The following DCDC1 variants were observed in gnomAD, a reference collection of about 807,000 sequenced individuals.
DCDC1 encodes doublecortin domain-containing protein 1.
In DCDC1, 200 loss-of-function variants were observed where a neutral mutation model predicts 178.3. The observed-to-expected ratio is 1.12, with a 90% CI of 1.00 to 1.26. The LOEUF is 1.26. Among genes scored for constraint, DCDC1 ranks in the 50% most tolerant of loss-of-function variants. DCDC1 has a pLI of 0.00. For synonymous variants in DCDC1, 690 were observed against 604.8 expected (o/e 1.14, Z -2.07); for missense variants, 1,983 against 1,749.2 (o/e 1.13, Z -2.38).
At chr11:31,261,528 A>T (rs892287018) in intron 8 of DCDC1, among the ~76,000 whole-genome samples, 1 of 152,236 alleles carries the variant, frequency 6.6e-6, no homozygotes, top group African/African-American at 2.4e-5. Flanking sequence ...ATACAAGTTT[A>T]AAAACAATAC....
chr11:31,306,121 A>C (rs1948440910), intron 5 of DCDC1, 111 bp downstream of exon 5: 1 of 1,071,942 alleles, frequency 9.3e-7, no homozygotes, highest in African/African-American at 1.7e-5. Flanking sequence ...AGCAATCGGT[A>C]GATTCAGATT....
chr11:31,226,807 A>G (rs1975021811), intron 9 of DCDC1, among the ~76,000 whole-genome samples: 2 of 151,998 alleles, frequency 1.3e-5, no homozygotes, highest in African/African-American at 4.8e-5. Context: ...TTATTAAGGA[A>G]TAAAGACTAT....
intron 38 of DCDC1, among the ~76,000 whole-genome samples, chr11:30,878,287 T>C (rs898843531): frequency 2.0e-5 from 3 of 151,822 alleles, no homozygotes; most frequent in African/African-American, 7.3e-5. Context: ...ACCCCATCTC[T>C]AAAAAAAATA....
In DCDC1 at chr11:31,094,099, A is replaced by G. The variant is rs370373751; in HGVS notation, c.2069T>C (p.Ile690Thr). The change falls in exon 16 of 39, where the codon ATA becomes ACA. Residue 690 changes from isoleucine (I) to threonine (T), a missense_variant. Ile to Thr is a moderately conservative substitution (Grantham distance 89). Coordinates refer to ENST00000684477, the MANE Select transcript of DCDC1 (RefSeq NM_001387274.1). ...SGSEASSRSQIAPSILWPVAS... is the reference protein window; with the variant it reads ...SGSEASSRSQTAPSILWPVAS... ...TACAGGCCACAGGATCGATGGCGCT[A>G]TTTGACTCCTGCTGCTTGCTTCACT... The G allele has an allele frequency of 6.5e-6, 5 of 766,116 alleles. No homozygotes were observed. The highest frequency in any genetic ancestry group is 1.2e-5 in the Non-Finnish European group (5 of 417,802). The allele number at this position is 766,116 out of a possible 1,614,324, so 47.5% of individuals were successfully genotyped here.
chr11:30,888,099 AAAG>A (rs1943404139), intron 36 of DCDC1, among the ~76,000 whole-genome samples: 1 of 35,740 alleles, frequency 2.8e-5, no homozygotes. Flanking sequence ...AAAGAAAGAA[AAAG>A]AAAGAAAGAA....
chr11:30,900,291 A>G, intron 33 of DCDC1, 55 bp downstream of exon 33: 13 of 1,382,614 alleles, frequency 9.4e-6, no homozygotes, highest in Non-Finnish European at 1.2e-5. Context: ...CATAAAATGT[A>G]TTTCTCTCTC....
chr11:31,044,935 G>T (rs551559379), intron 20 of DCDC1, among the ~76,000 whole-genome samples: 36 of 152,210 alleles, frequency 2.4e-4, no homozygotes, highest in Admixed American at 1.4e-3. Context: ...GATGTTTCAG[G>T]ACAAATAATA....
intron 21 of DCDC1, among the ~76,000 whole-genome samples, chr11:30,951,623 A>T (rs561239049): frequency 6.6e-6 from 1 of 152,164 alleles, no homozygotes; most frequent in Non-Finnish European, 1.5e-5. Context: ...TATAAGTCAC[A>T]AATCATATGA....
chr11:31,005,003 A>C (rs1304536162), intron 20 of DCDC1, among the ~76,000 whole-genome samples: 1 of 152,210 alleles, frequency 6.6e-6, no homozygotes, highest in Non-Finnish European at 1.5e-5. Context: ...GCAGAAATTA[A>C]GAGTATTATA....
chr11:31,188,306 A>C (rs771049402), intron 9 of DCDC1, among the ~76,000 whole-genome samples: 1 of 152,182 alleles, frequency 6.6e-6, no homozygotes, highest in East Asian at 1.9e-4. Context: ...AATCAATTGA[A>C]TAGAAGCCCA....
chr11:30,946,568 T>C (rs1239550890), intron 21 of DCDC1, among the ~76,000 whole-genome samples: 1 of 152,196 alleles, frequency 6.6e-6, no homozygotes, highest in Non-Finnish European at 1.5e-5. Flanking sequence ...AATGACTTCT[T>C]GGCTTCAGAC....
intron 1 of DCDC1, among the ~76,000 whole-genome samples, chr11:31,336,517 A>G (rs1304032610): frequency 6.6e-6 from 1 of 152,230 alleles, no homozygotes; most frequent in Non-Finnish European, 1.5e-5. Flanking sequence ...AGTGTTTAGC[A>G]ATATGATTTT....
At chr11:30,950,998 G>A (rs890390267) in intron 21 of DCDC1, among the ~76,000 whole-genome samples, 10 of 151,804 alleles carry the variant, frequency 6.6e-5, no homozygotes, top group East Asian at 3.9e-4. Flanking sequence ...TAAATACAAC[G>A]TGTCCATAAT....
intron 38 of DCDC1, among the ~76,000 whole-genome samples, chr11:30,870,058 G>T (rs1941392579): frequency 6.6e-6 from 1 of 152,078 alleles, no homozygotes; most frequent in Non-Finnish European, 1.5e-5. Flanking sequence ...GTCAGATAGG[G>T]TAAGTAAACA....
chr11:31,095,634 GGGGAT>G (rs1565276771), intron 15 of DCDC1, among the ~76,000 whole-genome samples: 1 of 152,126 alleles, frequency 6.6e-6, no homozygotes, highest in Non-Finnish European at 1.5e-5. Flanking sequence ...AGATAGTTGT[GGGGAT>G]GGATAGGGGG....
intron 20 of DCDC1, among the ~76,000 whole-genome samples, chr11:31,018,953 G>T (rs1952681135): frequency 1.3e-5 from 2 of 152,142 alleles, no homozygotes; most frequent in Non-Finnish European, 2.9e-5. Context: ...GGACTCAATT[G>T]TTCAGTATGG....
At chr11:31,033,523 T>C (rs1464962536) in intron 20 of DCDC1, among the ~76,000 whole-genome samples, 4 of 152,200 alleles carry the variant, frequency 2.6e-5, no homozygotes, top group Admixed American at 2.0e-4. Context: ...TATAACAGTA[T>C]AAATTCATGA....
chr11:31,180,125 A>T (rs1227144569), intron 9 of DCDC1, among the ~76,000 whole-genome samples: 1 of 152,248 alleles, frequency 6.6e-6, no homozygotes, highest in Admixed American at 6.5e-5. Flanking sequence ...CTGAAGGAAC[A>T]TACTTCAATG....
chr11:31,092,056 C>G (rs1957852458), intron 16 of DCDC1, among the ~76,000 whole-genome samples: 1 of 152,116 alleles, frequency 6.6e-6, no homozygotes, highest in African/African-American at 2.4e-5. Context: ...GGCCATTTAA[C>G]CATTTTCTTA....
Sources: gnomAD v4.1 joint callset for allele counts (sites outside exome capture counted in the v4.1 genomes callset) on GRCh38, gnomAD v4.1.1 for gene constraint, MANE v1.5 for transcripts, NCBI Gene and HGNC (gene_info 2026-07-23, HGNC 2026-07-21) for gene names.